The following RICTOR variants were observed in gnomAD, a reference collection of about 807,000 sequenced individuals.
The protein encoded by RICTOR is RPTOR independent companion of MTOR complex 2.
Under a neutral mutation model 214.9 loss-of-function variants are expected in RICTOR, and 49 were observed. The ratio of observed to expected loss-of-function variants is 0.23; its 90% CI spans 0.18 to 0.29. RICTOR has a LOEUF of 0.29. RICTOR is among the 10% of genes least tolerant of loss of function. RICTOR has a pLI of 1.00. For missense variants in RICTOR, 1,625 were observed against 2,047.0 expected (o/e 0.79, Z 3.98); for synonymous variants, 717 against 711.3 (o/e 1.01, Z -0.13).
Position 38,978,593 on chromosome 5 carries a change from C to A in RICTOR, c.811G>T (p.Gly271Ter). 1 of 1,554,230 alleles carries A rather than the reference C, an allele frequency of 6.4e-7. No individual in the cohort carries two copies. The highest frequency in any genetic ancestry group is 1.2e-5 in the South Asian group (1 of 86,930). ...HYRHSPDTAEGQLKEDREARF... is the reference protein window; with the variant it reads ...HYRHSPDTAE Reference sequence around the variant, plus strand: ...ACCAATGTTACTTACTTGAGCTGTCCTTCAGCTGTATCTGGACTATGTCTG... The same window carrying A: ...ACCAATGTTACTTACTTGAGCTGTCATTCAGCTGTATCTGGACTATGTCTG... Residue 271 changes from glycine (G) to a stop codon, truncating the protein, a stop_gained, in exon 9 of 38, where the codon GGA (glycine) becomes TGA (stop). Coordinates refer to ENST00000357387, the MANE Select transcript of RICTOR (RefSeq NM_152756.5). LOFTEE classifies it high-confidence loss of function.
intron 7 of RICTOR, among the ~76,000 whole-genome samples, chr5:38,985,699 A>AT (rs879607378): frequency 0.032 from 4,452 of 139,266 alleles, 129 homozygotes; most frequent in African/African-American, 0.084. Context: ...CTACAATTCT[A>AT]TTTTTTTTTT....
chr5:38,959,539 G>A (rs954290643), intron 21 of RICTOR, among the ~76,000 whole-genome samples: 1 of 152,058 alleles, frequency 6.6e-6, no homozygotes, highest in African/African-American at 2.4e-5. Flanking sequence ...TTGAATGCTG[G>A]AGTGGGAAGA....
rs141483879 is a variant in RICTOR at position 38,985,663 on chromosome 5, T to C, written c.584-3627A>G. Among the ~76,000 whole-genome samples the C allele has an allele frequency of 2.2e-3, 332 of 152,244 alleles. 1 individual carries two copies. The highest frequency in any genetic ancestry group is 7.5e-3 in the African/African-American group (313 of 41,562). ...TCCCCACTGGCCCCAGTTTTTTCCC[T>C]GTTTAGCCCTTTCATGCCTTTGCAC... On this transcript the variant is annotated intron_variant, in intron 7 of 37. Coordinates refer to ENST00000357387, the MANE Select transcript of RICTOR (RefSeq NM_152756.5).
chr5:38,962,408 C>A (rs1263427295), intron 18 of RICTOR, 47 bp from the exon 19 acceptor site: 1 of 1,164,956 alleles, frequency 8.6e-7, no homozygotes, highest in Non-Finnish European at 1.2e-6. Flanking sequence ...TATCAATTCT[C>A]ACACATATAA....
chr5:39,031,181 A>G (rs1443318004), intron 2 of RICTOR, among the ~76,000 whole-genome samples: 1 of 152,186 alleles, frequency 6.6e-6, no homozygotes, highest in African/African-American at 2.4e-5. Context: ...TTTATCATCT[A>G]TAACTGTTCA....
intron 2 of RICTOR, among the ~76,000 whole-genome samples, chr5:39,025,392 G>A (rs1755735905): frequency 6.6e-6 from 1 of 152,194 alleles, no homozygotes; most frequent in South Asian, 2.1e-4. Context: ...ACCAGGGACT[G>A]AAAAACATTT....
At chr5:38,991,831 G>T (rs1303306518) in intron 6 of RICTOR, among the ~76,000 whole-genome samples, 2 of 152,040 alleles carry the variant, frequency 1.3e-5, no homozygotes, top group African/African-American at 4.8e-5. Flanking sequence ...GCTAATTACT[G>T]TTTAATAAAT....
intron 2 of RICTOR, among the ~76,000 whole-genome samples, chr5:39,021,400 T>C (rs1755412798): frequency 6.6e-6 from 1 of 152,186 alleles, no homozygotes; most frequent in African/African-American, 2.4e-5. Context: ...TGCTATTATT[T>C]GAATGTGTTC....
chr5:39,057,942 C>T (rs1392187731), intron 2 of RICTOR, among the ~76,000 whole-genome samples: 5 of 152,104 alleles, frequency 3.3e-5, no homozygotes, highest in Admixed American at 3.3e-4. Context: ...TCATACACTT[C>T]AGTATTTTTG....
At chr5:38,957,022 C>T (rs912479943) in intron 25 of RICTOR, among the ~76,000 whole-genome samples, 2 of 152,042 alleles carry the variant, frequency 1.3e-5, no homozygotes, top group Non-Finnish European at 2.9e-5. Flanking sequence ...TCATTTATAT[C>T]GGTAAAGATC....
Position 38,952,339 on chromosome 5 carries a change from T to C in RICTOR, c.2984A>G (p.His995Arg), listed in dbSNP as rs776772759. 1.2e-6 allele frequency: 2 copies of C among 1,613,074 alleles called. No individual in the cohort carries two copies. Among genetic ancestry groups the C allele is most frequent in the Non-Finnish European group, 1.7e-6 (2 of 1,179,300 alleles). The change falls in exon 30 of 38, where the codon CAT becomes CGT. Residue 995 changes from histidine (H) to arginine (R), a missense_variant. Around this residue, in one of 5 missense-constraint regions of RICTOR, gnomAD observed 1,214 missense variants for 1,470.5 expected, o/e 0.83. Coordinates refer to ENST00000357387, the MANE Select transcript of RICTOR (RefSeq NM_152756.5). ...LKCHNWDAVR[H>R]SRKHLWPVVP... ...CACTGGCCACAGATGTTTGCGACTATGCCTCACAGCATCCCAGTTGTGACA... is the reference window on the plus strand; with the variant it reads ...CACTGGCCACAGATGTTTGCGACTACGCCTCACAGCATCCCAGTTGTGACA...
chr5:39,021,029 A>C lies in RICTOR; in HGVS notation c.195+10T>G. On this transcript the variant is annotated intron_variant, in intron 3 of 37. Coordinates refer to ENST00000357387, the MANE Select transcript of RICTOR (RefSeq NM_152756.5). The stretch of plus-strand genomic sequence containing the variant: ...AATTTTAGACAATAATAAAAATTCA[A>C]GTTACTTACCTTAGTAAAGTTATTC... 1 of 1,305,532 alleles carries C rather than the reference A, an allele frequency of 7.7e-7. No individual in the cohort carries two copies. Among genetic ancestry groups the C allele is most frequent in the Non-Finnish European group, 1.1e-6 (1 of 898,544 alleles). 80.9% of individuals were successfully genotyped at this position (1,305,532 alleles called of 1,614,324 possible). A position where few individuals can be genotyped will look rare whatever the true frequency, so the allele number is the denominator to read the frequency against.
Position 39,003,550 on chromosome 5 carries a change from A to T in RICTOR, c.260+8T>A. The stretch of plus-strand genomic sequence containing the variant: ...AAGGGATGGGAGGGGGGAATGAACC[A>T]CACTTACCAAATTATGATATCCTCA... On this transcript the variant is annotated splice_region_variant and intron_variant, in intron 4 of 37. Transcript: ENST00000357387. 1 of 1,583,822 alleles carries T rather than the reference A, an allele frequency of 6.3e-7. No individual in the cohort carries two copies.
intron 2 of RICTOR, among the ~76,000 whole-genome samples, chr5:39,028,508 G>A (rs1756028030): frequency 6.6e-6 from 1 of 152,146 alleles, no homozygotes. Flanking sequence ...TGTTGGAGGA[G>A]CATGAAATAT....
At chr5:38,960,330 C>G in intron 20 of RICTOR, 68 bp downstream of exon 20, 1 of 1,468,250 alleles carries the variant, frequency 6.8e-7, no homozygotes, top group South Asian at 1.2e-5. Flanking sequence ...AAGGTGGAAA[C>G]AGAGGGAGGG....
In RICTOR at chr5:38,972,018, G is replaced by A. The variant is rs534824638; in HGVS notation, c.890-59C>T. ...CATGAATTTCAAAAAAATTTCTATG[G>A]CAATGTATAATATAAAACTTGTCAT... On this transcript the variant is annotated intron_variant, in intron 10 of 37. Coordinates refer to ENST00000357387, the MANE Select transcript of RICTOR (RefSeq NM_152756.5). 2.5e-5 allele frequency: 18 copies of A among 729,274 alleles called. No homozygotes were observed. The Admixed American group carries it at 3.9e-4, about 16-fold the overall frequency. 45.2% of individuals were successfully genotyped at this position (729,274 alleles called of 1,614,324 possible).
intron 2 of RICTOR, among the ~76,000 whole-genome samples, chr5:39,035,917 C>T (rs1756652465): frequency 6.6e-6 from 1 of 152,116 alleles, no homozygotes; most frequent in South Asian, 2.1e-4. Context: ...GGAGAACTTC[C>T]CCAATCTAGC....
At chr5:39,035,705 A>T (rs1253369605) in intron 2 of RICTOR, among the ~76,000 whole-genome samples, 2 of 152,236 alleles carry the variant, frequency 1.3e-5, no homozygotes, top group African/African-American at 4.8e-5. Context: ...GATCAACTGG[A>T]AGAAAGGGTA....
rs1169995620 is a variant in RICTOR at position 39,000,880 on chromosome 5, C to T, written c.392+1655G>A. 2.0e-5 allele frequency among the ~76,000 whole-genome samples: 3 copies of T among 151,914 alleles called. No homozygotes were observed. In the South Asian group the frequency reaches 6.2e-4, roughly 31 times the overall value. ...ATGTTTTAAATTACATTAATACTAT[C>T]AGAAAAATATCTTAGAATAAACTGA... is the stretch of plus-strand genomic sequence containing the variant. On this transcript the variant is annotated intron_variant, in intron 5 of 37. Coordinates refer to ENST00000357387, the MANE Select transcript of RICTOR (RefSeq NM_152756.5).
Sources: gnomAD v4.1 joint callset for allele counts (sites outside exome capture counted in the v4.1 genomes callset) on GRCh38, gnomAD v4.1.1 for gene constraint, gnomAD v4.1.1 regional missense constraint, MANE v1.5 for transcripts, NCBI Gene and HGNC (gene_info 2026-07-23, HGNC 2026-07-21) for gene names.